Variants in PCDH9 observed in about 807,000 individuals in gnomAD.
PCDH9 encodes protocadherin 9.
In PCDH9, 24 loss-of-function variants were observed where a neutral mutation model predicts 70.6. That is an observed-to-expected ratio of 0.34 (90% CI 0.25 to 0.48). PCDH9 has a LOEUF of 0.48. Among genes scored for constraint, PCDH9 ranks in the 20% least tolerant of loss-of-function variants. PCDH9 has a pLI of 0.99. For missense variants in PCDH9, 1,281 were observed against 1,503.6 expected (o/e 0.85, Z 2.45); for synonymous variants, 562 against 558.5 (o/e 1.01, Z -0.09).
chr13:66,402,296 G>A (rs1957202060), intron 4 of PCDH9, among the ~76,000 whole-genome samples: 1 of 152,102 alleles, frequency 6.6e-6, no homozygotes, highest in Admixed American at 6.5e-5. Context: ...AGTATTGGCA[G>A]AGTTCCTGTT....
intron 2 of PCDH9, among the ~76,000 whole-genome samples, chr13:67,084,159 T>C (rs556728245): frequency 3.3e-5 from 5 of 152,310 alleles, no homozygotes; most frequent in Non-Finnish European, 5.9e-5. Flanking sequence ...AACCACAGGA[T>C]AGTTCCTTTA....
At chr13:66,340,407 C>G (rs1327052528) in intron 4 of PCDH9, among the ~76,000 whole-genome samples, 1 of 152,142 alleles carries the variant, frequency 6.6e-6, no homozygotes, top group Admixed American at 6.6e-5. Context: ...TTGCCCCAAA[C>G]TAATGGGCTT....
chr13:66,656,294 C>T (rs1344836565), intron 3 of PCDH9, among the ~76,000 whole-genome samples: 1 of 152,144 alleles, frequency 6.6e-6, no homozygotes, highest in Non-Finnish European at 1.5e-5. Context: ...CATTGAGGAG[C>T]CCTGTCCATC....
intron 4 of PCDH9, among the ~76,000 whole-genome samples, chr13:66,535,940 G>C (rs1207820289): frequency 2.0e-5 from 3 of 151,948 alleles, no homozygotes. Context: ...AAGTTTCAAA[G>C]ACTAAACCAG....
rs2081911753 is a variant in PCDH9, at chr13:66,880,943, A to G, written c.3138+22561T>C. 2.0e-5 allele frequency among the ~76,000 whole-genome samples: 3 copies of G among 152,210 alleles called. No homozygotes were observed. In the South Asian group the frequency reaches 6.2e-4, roughly 31 times the overall value. The stretch of plus-strand genomic sequence containing the variant: ...CAAATCCCAACTCCAATCCTGTTGT[A>G]TGACCTTGAGCAAATTACTACACCT... On this transcript the variant is annotated intron_variant, in intron 3 of 4. Coordinates refer to ENST00000377865, the MANE Select transcript of PCDH9 (RefSeq NM_203487.3).
At chr13:66,777,250 T>C (rs554779331) in intron 3 of PCDH9, among the ~76,000 whole-genome samples, 2,230 of 151,798 alleles carry the variant, frequency 0.015, 63 homozygotes, top group African/African-American at 0.051. Flanking sequence ...ACACCAAAAG[T>C]AATGGCAACA....
chr13:66,571,555 T>C (rs2076733156), intron 4 of PCDH9, among the ~76,000 whole-genome samples: 1 of 152,024 alleles, frequency 6.6e-6, no homozygotes, highest in Non-Finnish European at 1.5e-5. Context: ...TGAGAAATAA[T>C]TGTCCTTTTC....
At chr13:66,821,435 T>C (rs1283270722) in intron 3 of PCDH9, among the ~76,000 whole-genome samples, 1 of 152,158 alleles carries the variant, frequency 6.6e-6, no homozygotes, top group Non-Finnish European at 1.5e-5. Flanking sequence ...TTTATATCCC[T>C]CTGAGACATT....
At chr13:67,160,816 T>A (rs772684514) in intron 2 of PCDH9, among the ~76,000 whole-genome samples, 1 of 152,206 alleles carries the variant, frequency 6.6e-6, no homozygotes, top group Non-Finnish European at 1.5e-5. Flanking sequence ...CTGTATTCCC[T>A]TCTGAACATT....
intron 2 of PCDH9, among the ~76,000 whole-genome samples, chr13:66,934,558 G>GAAAAAAA (rs1555288043): frequency 7.4e-6 from 1 of 134,818 alleles, no homozygotes; most frequent in South Asian, 2.3e-4. Context: ...AAAAAAAAAA[G>GAAAAAAA]AAAAAGAAAA....
chr13:66,678,162 C>T (rs1011074860), intron 3 of PCDH9, among the ~76,000 whole-genome samples: 1 of 152,068 alleles, frequency 6.6e-6, no homozygotes, highest in East Asian at 1.9e-4. Context: ...TTTCCTTCCA[C>T]CTATTCCTGA....
chr13:66,882,061 T>C (rs1233037698), intron 3 of PCDH9, among the ~76,000 whole-genome samples: 1 of 152,186 alleles, frequency 6.6e-6, no homozygotes, highest in African/African-American at 2.4e-5. Flanking sequence ...ATACTTGGGC[T>C]AGAGAGCCAA....
chr13:66,807,488 C>A (rs934418451), intron 3 of PCDH9, among the ~76,000 whole-genome samples: 1 of 152,042 alleles, frequency 6.6e-6, no homozygotes, highest in Non-Finnish European at 1.5e-5. Context: ...AAGTTTCTAG[C>A]CCATTTTTGT....
At chr13:66,799,562 C>T (rs1179867852) in intron 3 of PCDH9, among the ~76,000 whole-genome samples, 1 of 152,050 alleles carries the variant, frequency 6.6e-6, no homozygotes, top group Non-Finnish European at 1.5e-5. Context: ...CTATAAGGAC[C>T]AGTATTAATT....
At chr13:67,161,956 G>T (rs955843263) in intron 2 of PCDH9, among the ~76,000 whole-genome samples, 2 of 152,122 alleles carry the variant, frequency 1.3e-5, no homozygotes, top group African/African-American at 2.4e-5. Context: ...AATAGTGCTT[G>T]GGAATTGGAG....
intron 2 of PCDH9, among the ~76,000 whole-genome samples, chr13:66,989,599 G>T (rs933166535): frequency 1.3e-5 from 2 of 151,782 alleles, no homozygotes; most frequent in East Asian, 1.9e-4. Flanking sequence ...TCTTTACCAG[G>T]AAGACTTTCA....
rs1439130225 is a variant in PCDH9 at position 67,225,710 on chromosome 13, C to T, written c.2731G>A (p.Glu911Lys). ...TCAAATCTTCCTATACTTTGCTCCTCCAGTTCAGCCGGCAGGCTTATTGTC... is the reference window on the plus strand; with the variant it reads ...TCAAATCTTCCTATACTTTGCTCCTTCAGTTCAGCCGGCAGGCTTATTGTC... ...NGTISLPAELEEQSIGRFDWG... is the reference protein window; with the variant it reads ...NGTISLPAELKEQSIGRFDWG... Residue 911 changes from glutamate (E) to lysine (K), a missense_variant, in exon 2 of 5, where the codon GAG (glutamate) becomes AAG (lysine). Glu to Lys is a moderately conservative substitution (Grantham distance 56, BLOSUM62 1). Coordinates refer to ENST00000377865, the MANE Select transcript of PCDH9 (RefSeq NM_203487.3). The T allele has an allele frequency of 6.2e-7, 1 of 1,614,038 alleles. No homozygotes were observed. Among genetic ancestry groups the T allele is most frequent in the Non-Finnish European group, 8.5e-7 (1 of 1,180,024 alleles).
At chr13:66,704,584 A>G (rs2078687836) in intron 3 of PCDH9, among the ~76,000 whole-genome samples, 1 of 152,204 alleles carries the variant, frequency 6.6e-6, no homozygotes, top group African/African-American at 2.4e-5. Context: ...GAGGAGAGGA[A>G]GATTTCCAAT....
At chr13:66,526,498 T>G (rs1006126421) in intron 4 of PCDH9, among the ~76,000 whole-genome samples, 1 of 130,602 alleles carries the variant, frequency 7.7e-6, no homozygotes, top group Non-Finnish European at 1.6e-5. Flanking sequence ...ACTTATACAA[T>G]GCTTTGAAAT....
Sources: gnomAD v4.1 joint callset for allele counts (sites outside exome capture counted in the v4.1 genomes callset) on GRCh38, gnomAD v4.1.1 for gene constraint, MANE v1.5 for transcripts, NCBI Gene and HGNC (gene_info 2026-07-23, HGNC 2026-07-21) for gene names.